Variants in RASGRP1 observed in about 807,000 individuals in gnomAD.
RASGRP1 encodes the protein RAS guanyl releasing protein 1.
RASGRP1 carries 37 observed loss-of-function variants against 95.1 expected under a neutral mutation model. That is an observed-to-expected ratio of 0.39 (90% confidence interval 0.30 to 0.51). The LOEUF (loss-of-function observed/expected upper bound fraction) is 0.51. Among genes scored for constraint, RASGRP1 ranks in the 20% least tolerant of loss-of-function variants. RASGRP1 has a pLI of 0.80. For synonymous variants in RASGRP1, 325 were observed against 353.4 expected (o/e 0.92, Z 0.90); for missense variants, 711 against 965.4 (o/e 0.74, Z 3.49).
At chr15:38,543,203 T>G (rs1247385717) in intron 2 of RASGRP1, among the ~76,000 whole-genome samples, 3 of 152,236 alleles carry the variant, frequency 2.0e-5, no homozygotes, top group African/African-American at 7.2e-5. Flanking sequence ...ATTTGATTCA[T>G]CTCATTTTTT....
chr15:38,516,482 C>G (rs966866482), intron 5 of RASGRP1, 132 bp from the exon 6 acceptor site: 2 of 1,119,702 alleles, frequency 1.8e-6, no homozygotes, highest in Non-Finnish European at 2.6e-6. Flanking sequence ...AATGCCAAAA[C>G]AGTGCATTCA....
intron 2 of RASGRP1, among the ~76,000 whole-genome samples, chr15:38,555,257 C>T (rs1013255354): frequency 2.0e-5 from 3 of 152,190 alleles, no homozygotes; most frequent in Non-Finnish European, 4.4e-5. Flanking sequence ...TGGGGTATTT[C>T]TAGTTTGGAA....
At chr15:38,514,303 T>C (rs1052866244) in intron 6 of RASGRP1, among the ~76,000 whole-genome samples, 3 of 152,166 alleles carry the variant, frequency 2.0e-5, no homozygotes, top group African/African-American at 7.2e-5. Flanking sequence ...AAGAGAGATA[T>C]ATAAAGCAAA....
intron 2 of RASGRP1, among the ~76,000 whole-genome samples, chr15:38,558,948 G>T (rs1472715986): frequency 6.6e-6 from 1 of 152,064 alleles, no homozygotes; most frequent in African/African-American, 2.4e-5. Flanking sequence ...GGCTTGGGGG[G>T]GTTGGTATGT....
intron 15 of RASGRP1, among the ~76,000 whole-genome samples, chr15:38,498,444 C>A (rs995399986): frequency 6.6e-5 from 10 of 152,082 alleles, no homozygotes; most frequent in Non-Finnish European, 1.0e-4. Flanking sequence ...CATGTACATA[C>A]ATATTTTCCC....
At chr15:38,504,742 A>G (rs1293432612) in intron 10 of RASGRP1, 6 of 152,352 alleles carry the variant, frequency 3.9e-5, no homozygotes, top group Admixed American at 1.3e-4. Flanking sequence ...GTAAGTGTAT[A>G]ACCTAGACTT....
chr15:38,506,059 C>T (rs1298516579), intron 9 of RASGRP1, 139 bp from the exon 10 acceptor site: 2 of 638,332 alleles, frequency 3.1e-6, no homozygotes, highest in African/African-American at 1.8e-5. Flanking sequence ...AGTCACAAAA[C>T]AGGTATAACA....
chr15:38,521,401 C>CT (rs1891994578), intron 3 of RASGRP1, among the ~76,000 whole-genome samples: 2 of 152,202 alleles, frequency 1.3e-5, no homozygotes, highest in Non-Finnish European at 2.9e-5. Flanking sequence ...TTATCCTTCC[C>CT]TTCAAAAGTA....
chr15:38,535,497 A>T (rs1892610287), intron 2 of RASGRP1, among the ~76,000 whole-genome samples: 1 of 152,134 alleles, frequency 6.6e-6, no homozygotes, highest in South Asian at 2.1e-4. Context: ...GGCAGCTATT[A>T]TTGGCACCAT....
chr15:38,532,452 A>G (rs1892479719), intron 2 of RASGRP1, among the ~76,000 whole-genome samples: 1 of 152,178 alleles, frequency 6.6e-6, no homozygotes, highest in Admixed American at 6.5e-5. Context: ...AAACAGAAAA[A>G]CTAAGCGGAT....
intron 3 of RASGRP1, among the ~76,000 whole-genome samples, chr15:38,522,646 C>G (rs1354813168): frequency 6.6e-6 from 1 of 152,186 alleles, no homozygotes; most frequent in Admixed American, 6.5e-5. Context: ...CCAGAAGGGT[C>G]TTGAAAGAGC....
intron 1 of RASGRP1, among the ~76,000 whole-genome samples, chr15:38,563,696 C>A (rs1595889986): frequency 6.6e-6 from 1 of 152,186 alleles, no homozygotes; most frequent in Non-Finnish European, 1.5e-5. Context: ...CAGTGGTGGA[C>A]CCTCAGGGGA....
chr15:38,548,479 T>C (rs1050519325), intron 2 of RASGRP1, among the ~76,000 whole-genome samples: 1 of 152,066 alleles, frequency 6.6e-6, no homozygotes, highest in Admixed American at 6.5e-5. Context: ...AAGGCTGAGG[T>C]GAAAGGATCA....
chr15:38,535,217 C>A (rs1386502393), intron 2 of RASGRP1, among the ~76,000 whole-genome samples: 4 of 152,136 alleles, frequency 2.6e-5, no homozygotes, highest in Non-Finnish European at 4.4e-5. Context: ...CCCTCTCACT[C>A]CCAGCCCAAG....
intron 1 of RASGRP1, among the ~76,000 whole-genome samples, chr15:38,560,885 G>A (rs1009637889): frequency 6.6e-6 from 1 of 152,134 alleles, no homozygotes; most frequent in Non-Finnish European, 1.5e-5. Context: ...CTACTCACAC[G>A]CAGCTCTATC....
intron 2 of RASGRP1, among the ~76,000 whole-genome samples, chr15:38,550,034 G>T (rs1893268036): frequency 6.6e-6 from 1 of 151,908 alleles, no homozygotes; most frequent in Non-Finnish European, 1.5e-5. Flanking sequence ...GAGGCAGGTG[G>T]ATCTCTTGAG....
At chr15:38,513,499 G>A (rs1891629983) in intron 6 of RASGRP1, among the ~76,000 whole-genome samples, 1 of 152,216 alleles carries the variant, frequency 6.6e-6, no homozygotes, top group Non-Finnish European at 1.5e-5. Flanking sequence ...TTGCGCTAAT[G>A]GAGTAGTTAT....
intron 11 of RASGRP1, 41 bp from the exon 12 acceptor site, chr15:38,502,462 C>T (rs1463256941): frequency 1.4e-5 from 17 of 1,237,226 alleles, no homozygotes; most frequent in Non-Finnish European, 1.4e-5. Context: ...TAAAGAGAAA[C>T]CGGTCTTCTC....
At chr15:38,506,466 C>T (rs1555400557) in intron 9 of RASGRP1, among the ~76,000 whole-genome samples, 2 of 152,000 alleles carry the variant, frequency 1.3e-5, no homozygotes, top group Non-Finnish European at 2.9e-5. Context: ...AAAACCCTGT[C>T]TCTACAAAAA....
Sources: gnomAD v4.1 joint callset for allele counts (sites outside exome capture counted in the v4.1 genomes callset) on GRCh38, gnomAD v4.1.1 for gene constraint, MANE v1.5 for transcripts, NCBI Gene and HGNC (gene_info 2026-07-23, HGNC 2026-07-21) for gene names.